Variants in ERC2 observed in about 807,000 individuals in gnomAD.
ERC2 encodes ERC protein 2.
ERC2 carries 42 observed loss-of-function variants against 114.8 expected under a neutral mutation model. The observed-to-expected ratio is 0.37, with a 90% CI of 0.29 to 0.47. The LOEUF (loss-of-function observed/expected upper bound fraction) is 0.47. Among genes scored for constraint, ERC2 ranks in the 20% least tolerant of loss-of-function variants. ERC2 has a pLI of 0.99. For synonymous variants in ERC2, 454 were observed against 425.5 expected (o/e 1.07, Z -0.82); for missense variants, 939 against 1,150.7 (o/e 0.82, Z 2.66).
intron 7 of ERC2, among the ~76,000 whole-genome samples, chr3:56,025,787 C>T: frequency 6.6e-6 from 1 of 152,116 alleles, no homozygotes; most frequent in Non-Finnish European, 1.5e-5. Flanking sequence ...ATAGACATAA[C>T]ACCAACAGGC....
At chr3:55,908,258 G>T (rs562928488) in intron 13 of ERC2, among the ~76,000 whole-genome samples, 1 of 152,272 alleles carries the variant, frequency 6.6e-6, no homozygotes, top group South Asian at 2.1e-4. Flanking sequence ...CAATCAAAGA[G>T]AAAAATATCC....
In ERC2 at chr3:55,793,054, A is replaced by G. The variant is rs9848516; in HGVS notation, c.2565-58136T>C. On this transcript the variant is annotated intron_variant, in intron 14 of 17. Coordinates refer to ENST00000288221, the MANE Select transcript of ERC2 (RefSeq NM_015576.3). ...TTGTGCTAAGATAACTGTGGATGCAATTTATTTACTTATTTTATTTTATTT... is the reference window on the plus strand; with the variant it reads ...TTGTGCTAAGATAACTGTGGATGCAGTTTATTTACTTATTTTATTTTATTT... Among the ~76,000 whole-genome samples, 617 of 152,178 alleles carry G rather than the reference A, an allele frequency of 4.1e-3. 8 individuals carry two copies. Among genetic ancestry groups the G allele is most frequent in the African/African-American group, 0.014 (586 of 41,508 alleles).
chr3:55,778,672 G>A (rs765489259), intron 14 of ERC2, among the ~76,000 whole-genome samples: 23 of 152,084 alleles, frequency 1.5e-4, no homozygotes, highest in Non-Finnish European at 3.2e-4. Context: ...ACATTAATAA[G>A]AAAAAGGTCT....
intron 13 of ERC2, among the ~76,000 whole-genome samples, chr3:55,917,243 T>C (rs1401332677): frequency 6.6e-6 from 1 of 152,110 alleles, no homozygotes; most frequent in Admixed American, 6.5e-5. Context: ...TCTAACAAGA[T>C]TTTTGCAAGA....
chr3:56,171,389 C>A (rs2082658164), intron 4 of ERC2, among the ~76,000 whole-genome samples: 1 of 152,134 alleles, frequency 6.6e-6, no homozygotes. Context: ...TCTCTGTTGA[C>A]AAGACAGAAG....
At chr3:55,959,755 C>T (rs2068227707) in intron 12 of ERC2, among the ~76,000 whole-genome samples, 1 of 152,112 alleles carries the variant, frequency 6.6e-6, no homozygotes, top group South Asian at 2.1e-4. Flanking sequence ...AATAGTGGCC[C>T]TGGGATGGTT....
intron 8 of ERC2, among the ~76,000 whole-genome samples, chr3:56,012,081 C>A (rs1576556239): frequency 6.6e-6 from 1 of 152,278 alleles, no homozygotes; most frequent in Middle Eastern, 3.4e-3. Flanking sequence ...TTTGTTTCTT[C>A]TTGATCCCAG....
At chr3:56,329,916 G>C (rs1357092164) in intron 2 of ERC2, among the ~76,000 whole-genome samples, 2 of 146,138 alleles carry the variant, frequency 1.4e-5, no homozygotes, top group African/African-American at 5.0e-5. Context: ...ATATTCATGT[G>C]TTTCCAATAT....
chr3:56,046,872 A>C (rs1195657704), intron 7 of ERC2, among the ~76,000 whole-genome samples: 1 of 152,234 alleles, frequency 6.6e-6, no homozygotes, highest in Non-Finnish European at 1.5e-5. Flanking sequence ...TCCTTCCAGC[A>C]GTAACCATCT....
chr3:56,220,726 C>T (rs1028603906), intron 3 of ERC2, among the ~76,000 whole-genome samples: 6 of 152,214 alleles, frequency 3.9e-5, no homozygotes. Flanking sequence ...AATTTCTAGA[C>T]TAACACATCT....
intron 9 of ERC2, 43 bp downstream of exon 9, chr3:56,010,406 T>A (rs764522477): frequency 6.2e-7 from 1 of 1,601,106 alleles, no homozygotes; most frequent in Non-Finnish European, 8.5e-7. Context: ...AATATGGGTT[T>A]ATGAGGACTA....
chr3:55,698,641 G>A (rs1436196418), intron 16 of ERC2, among the ~76,000 whole-genome samples: 1 of 152,134 alleles, frequency 6.6e-6, no homozygotes, highest in Non-Finnish European at 1.5e-5. Context: ...GGGGGAGGCA[G>A]GAATCTTAGT....
chr3:55,710,289 T>C (rs2063710967), intron 15 of ERC2, among the ~76,000 whole-genome samples: 1 of 152,158 alleles, frequency 6.6e-6, no homozygotes, highest in Non-Finnish European at 1.5e-5. Flanking sequence ...TCCAAGCTGA[T>C]ATTCTCTCAG....
At chr3:55,735,809 T>C (rs2065595597) in intron 14 of ERC2, among the ~76,000 whole-genome samples, 3 of 152,186 alleles carry the variant, frequency 2.0e-5, no homozygotes, top group South Asian at 4.1e-4. Flanking sequence ...AGAAATTTAC[T>C]GGAAACCCTG....
Position 55,593,467 on chromosome 3 carries a change from G to T in ERC2, c.*40-82191C>A, listed in dbSNP as rs192315703. On this transcript the variant is annotated intron_variant, in intron 17 of 17. Coordinates refer to ENST00000288221, the MANE Select transcript of ERC2 (RefSeq NM_015576.3). ...TTAGCAAGTATTTTAATCATCTCTG[G>T]CTGACTTCCTCTCCAATTTCAGATG... Among the ~76,000 whole-genome samples, 61 of 152,160 alleles carry T rather than the reference G, an allele frequency of 4.0e-4. No homozygotes were observed. In the South Asian group the frequency reaches 0.012, roughly 31 times the overall value.
At chr3:56,467,722 G>C (rs1273574627) in intron 1 of ERC2, among the ~76,000 whole-genome samples, 2 of 151,722 alleles carry the variant, frequency 1.3e-5, no homozygotes, top group African/African-American at 4.8e-5. Flanking sequence ...TCCCTGACAC[G>C]GGTTTTTTAA....
intron 17 of ERC2, among the ~76,000 whole-genome samples, chr3:55,672,338 CAAAAAAA>C (rs546940629): frequency 2.0e-5 from 2 of 100,398 alleles, no homozygotes; most frequent in Non-Finnish European, 4.0e-5. Context: ...GACCCTATCT[CAAAAAAA>C]AAAAAAAAAA....
chr3:56,136,618 T>C (rs563573690), intron 6 of ERC2, among the ~76,000 whole-genome samples: 1 of 152,100 alleles, frequency 6.6e-6, no homozygotes, highest in South Asian at 2.1e-4. Flanking sequence ...ACACAGCAGG[T>C]AGAAAGACTC....
intron 16 of ERC2, among the ~76,000 whole-genome samples, chr3:55,691,561 AAAAAAAAAAAAAATATATATAT>A (rs1232131009): frequency 4.6e-4 from 42 of 91,418 alleles, no homozygotes; most frequent in African/African-American, 1.8e-3. Flanking sequence ...AAAAAAAAAA[AAAAAAAAAAAAAATATATATAT>A]ATATATATAT....
Sources: allele counts gnomAD v4.1 joint callset (sites outside exome capture counted in the v4.1 genomes callset), GRCh38; gene constraint gnomAD v4.1.1; transcripts MANE v1.5; gene names NCBI Gene and HGNC (gene_info 2026-07-23, HGNC 2026-07-21).